Variants in CD80 observed in about 807,000 individuals in gnomAD.
CD80 encodes T-lymphocyte activation antigen CD80.
In CD80, 13 loss-of-function variants were observed where a neutral mutation model predicts 27.1. That is an observed-to-expected ratio of 0.48 (90% confidence interval 0.31 to 0.76). The LOEUF is 0.76. Among genes scored for constraint, CD80 ranks in the 30% least tolerant of loss-of-function variants. The pLI is 0.04. For missense variants in CD80, 277 were observed against 347.9 expected, an observed-to-expected ratio of 0.80 and a Z score of 1.62; for synonymous variants, 125 against 125.5, an observed-to-expected ratio of 1.00 and a Z score of 0.03.
chr3:119,551,065 G>A (rs1346360569), intron 2 of CD80, among the ~76,000 whole-genome samples: 1 of 152,178 alleles, frequency 6.6e-6, no homozygotes. Flanking sequence ...ATTACGTATG[G>A]AGCTATGGAG....
At chr3:119,557,109 G>A (rs1010401316) in intron 2 of CD80, among the ~76,000 whole-genome samples, 2 of 152,150 alleles carry the variant, frequency 1.3e-5, no homozygotes, top group African/African-American at 4.8e-5. Context: ...GAACAAATAA[G>A]ATTAATGTAT....
chr3:119,555,206 C>T (rs1046767001), intron 2 of CD80, among the ~76,000 whole-genome samples: 4 of 152,220 alleles, frequency 2.6e-5, no homozygotes, highest in Non-Finnish European at 4.4e-5. Context: ...TGTCTACATC[C>T]TGCGCCAGGG....
At position 119,557,779 on chromosome 3, in the gene CD80, T is replaced by G; in HGVS notation, c.-51A>C. 1 of 1,386,692 alleles carries G rather than the reference T, an allele frequency of 7.2e-7. No individual in the cohort carries two copies. The highest frequency in any genetic ancestry group is 1.0e-6 in the Non-Finnish European group (1 of 992,494). 85.9% of individuals were successfully genotyped at this position (1,386,692 alleles called of 1,614,324 possible). Reference sequence around the variant, plus strand: ...TGAAAGCCAACAATTTGGACCCAAGTAAGACCAGGGCACTTCCCAGGTGCA... The same window carrying G: ...TGAAAGCCAACAATTTGGACCCAAGGAAGACCAGGGCACTTCCCAGGTGCA... On this transcript the variant is annotated 5_prime_UTR_variant, in exon 2 of 7. Transcript: ENST00000264246.
intron 4 of CD80, among the ~76,000 whole-genome samples, chr3:119,535,994 G>A (rs1340398434): frequency 1.3e-5 from 2 of 152,170 alleles, no homozygotes; most frequent in East Asian, 3.9e-4. Context: ...GCTCACACCT[G>A]TAATCCCAGC....
intron 4 of CD80, among the ~76,000 whole-genome samples, chr3:119,531,239 T>C (rs2082108729): frequency 6.6e-6 from 1 of 152,258 alleles, no homozygotes; most frequent in Non-Finnish European, 1.5e-5. Flanking sequence ...GTGCCAGGGC[T>C]TTCCAGCTCC....
intron 2 of CD80, among the ~76,000 whole-genome samples, chr3:119,557,259 A>G (rs1560060055): frequency 1.3e-5 from 2 of 152,244 alleles, no homozygotes; most frequent in Non-Finnish European, 2.9e-5. Context: ...CTGTATCATG[A>G]AAACATAGTT....
At chr3:119,555,284 G>A (rs1473221480) in intron 2 of CD80, among the ~76,000 whole-genome samples, 1 of 152,146 alleles carries the variant, frequency 6.6e-6, no homozygotes, top group African/African-American at 2.4e-5. Context: ...TAGAGTTCAC[G>A]ATAGGGGTCA....
At chr3:119,555,694 C>T (rs561629392) in intron 2 of CD80, among the ~76,000 whole-genome samples, 12 of 152,250 alleles carry the variant, frequency 7.9e-5, no homozygotes, top group Non-Finnish European at 1.2e-4. Flanking sequence ...TTGTTGGCCA[C>T]ACTTTAACAC....
At chr3:119,552,210 C>G (rs71325386) in intron 2 of CD80, among the ~76,000 whole-genome samples, 1 of 152,170 alleles carries the variant, frequency 6.6e-6, no homozygotes, top group Non-Finnish European at 1.5e-5. Flanking sequence ...ACCTCTCGGC[C>G]GGGCGTGGTG....
At chr3:119,549,453 C>T (rs970618751) in intron 2 of CD80, among the ~76,000 whole-genome samples, 1 of 152,206 alleles carries the variant, frequency 6.6e-6, no homozygotes, top group African/African-American at 2.4e-5. Context: ...CTCTAAGGCC[C>T]CAGCGCCCCC....
chr3:119,550,531 G>T (rs892069547), intron 2 of CD80, among the ~76,000 whole-genome samples: 1 of 152,116 alleles, frequency 6.6e-6, no homozygotes, highest in Non-Finnish European at 1.5e-5. Flanking sequence ...TTATAAATTT[G>T]CCCAAATTTA....
chr3:119,548,483 G>A (rs2107746350), intron 2 of CD80, among the ~76,000 whole-genome samples: 1 of 152,304 alleles, frequency 6.6e-6, no homozygotes, highest in South Asian at 2.1e-4. Flanking sequence ...GGATATGAAA[G>A]TCATAGTAAG....
rs544899493 is a variant in CD80 at position 119,557,824 on chromosome 3, C to T, written c.-96G>A. On this transcript the variant is annotated 5_prime_UTR_variant, in exon 2 of 7. Coordinates refer to ENST00000264246, the MANE Select transcript of CD80 (RefSeq NM_005191.4). ...GGTGCAAAACAGGCAGGGCTGATGA[C>T]AATCCAATTGCTCACGTAGAAGACC... 1 of 677,410 alleles carries T rather than the reference C, an allele frequency of 1.5e-6. No homozygotes were observed. The highest frequency in any genetic ancestry group is 2.9e-5 in the East Asian group (1 of 34,592). 42.0% of individuals were successfully genotyped at this position (677,410 alleles called of 1,614,324 possible).
chr3:119,535,537 C>T (rs2082133414), intron 4 of CD80, among the ~76,000 whole-genome samples: 1 of 152,072 alleles, frequency 6.6e-6, no homozygotes, highest in African/African-American at 2.4e-5. Flanking sequence ...CATCTTAAGC[C>T]ATTATAGGCC....
chr3:119,545,336 C>T (rs557567308), intron 2 of CD80, among the ~76,000 whole-genome samples: 7 of 151,068 alleles, frequency 4.6e-5, no homozygotes, highest in Non-Finnish European at 8.8e-5. Flanking sequence ...AACTCCATCT[C>T]CAAACAAACA....
intron 3 of CD80, among the ~76,000 whole-genome samples, chr3:119,538,741 A>G (rs542014584): frequency 4.9e-4 from 75 of 152,222 alleles, no homozygotes; most frequent in Non-Finnish European, 9.3e-4. Context: ...TTTGCCTAAC[A>G]TAGAACTTTC....
Position 119,553,866 on chromosome 3 carries a change from G to A in CD80, c.100+3763C>T, listed in dbSNP as rs183510496. The stretch of plus-strand genomic sequence containing the variant: ...TGTCTCACCACCTGGAGATTTTACC[G>A]TTCCTGGTTTGTGCACACTCTTCCA... On this transcript the variant is annotated intron_variant, in intron 2 of 6. Coordinates refer to ENST00000264246, the MANE Select transcript of CD80 (RefSeq NM_005191.4). Among the ~76,000 whole-genome samples, 482 of 152,294 alleles carry A rather than the reference G, an allele frequency of 3.2e-3. 2 individuals carry two copies. Among genetic ancestry groups the A allele is most frequent in the Non-Finnish European group, 5.0e-3 (343 of 68,022 alleles).
rs376771154 is a variant in CD80, at chr3:119,556,363, T to C, written c.100+1266A>G. ...TTCTCCCTCTTTCTGTCTCTCCCCC[T>C]CCCTGCCCCCCTTATTTCTGGGAAG... On this transcript the variant is annotated intron_variant, in intron 2 of 6. Transcript: ENST00000264246. Among the ~76,000 whole-genome samples, 10 of 150,912 alleles carry C rather than the reference T, an allele frequency of 6.6e-5. No individual in the cohort carries two copies. The East Asian group carries it at 1.4e-3, about 21-fold the overall frequency.
At chr3:119,551,328 T>C (rs2082229996) in intron 2 of CD80, among the ~76,000 whole-genome samples, 1 of 152,202 alleles carries the variant, frequency 6.6e-6, no homozygotes, top group Admixed American at 6.5e-5. Flanking sequence ...AGGTTTTGTG[T>C]TGGAAATTTA....
Sources: gnomAD v4.1 joint callset for allele counts (sites outside exome capture counted in the v4.1 genomes callset) on GRCh38, gnomAD v4.1.1 for gene constraint, MANE v1.5 for transcripts, NCBI Gene and HGNC (gene_info 2026-07-23, HGNC 2026-07-21) for gene names.